Variants in PRKN observed in about 807,000 individuals in gnomAD.
PRKN encodes the protein parkin RBR E3 ubiquitin protein ligase, also known as E3 ubiquitin-protein ligase parkin.
PRKN carries 56 observed loss-of-function variants against 59.5 expected under a neutral mutation model. That is an observed-to-expected ratio of 0.94 (90% CI 0.76 to 1.18). The LOEUF is 1.18. Among genes scored for constraint, PRKN ranks in the 50% most tolerant of loss-of-function variants. The pLI is 0.00. For missense variants in PRKN, 657 were observed against 596.4 expected (o/e 1.10, Z -1.06); for synonymous variants, 250 against 222.1 (o/e 1.13, Z -1.12).
intron 4 of PRKN, among the ~76,000 whole-genome samples, chr6:162,135,617 T>C (rs1291141835): frequency 6.6e-6 from 1 of 152,180 alleles, no homozygotes; most frequent in East Asian, 1.9e-4. Context: ...TGAGGCCATC[T>C]GTCTCCTTGC....
chr6:161,465,387 C>T (rs906037645), intron 9 of PRKN, among the ~76,000 whole-genome samples: 2 of 152,094 alleles, frequency 1.3e-5, no homozygotes, highest in South Asian at 2.1e-4. Flanking sequence ...AACCTGCAGA[C>T]GTGATTTTAG....
chr6:162,476,226 T>TTTTA (rs922319533), intron 1 of PRKN, among the ~76,000 whole-genome samples: 3 of 151,910 alleles, frequency 2.0e-5, no homozygotes, highest in African/African-American at 7.3e-5. Flanking sequence ...CCCTACTTAT[T>TTTTA]TTTATTTATT....
At chr6:162,584,804 TCCC>T (rs1780951050) in intron 1 of PRKN, among the ~76,000 whole-genome samples, 2 of 4,182 alleles carry the variant, frequency 4.8e-4, no homozygotes, top group Non-Finnish European at 7.1e-4. Context: ...TCCCCTCCCC[TCCC>T]CTCCCCTCCC....
rs900295844 is a variant in PRKN at position 162,597,681 on chromosome 6, G to T, written c.7+129981C>A. 2.0e-5 allele frequency among the ~76,000 whole-genome samples: 3 copies of T among 152,074 alleles called. No homozygotes were observed. In the South Asian group the frequency reaches 6.2e-4, roughly 32 times the overall value. ...TTCTTACTCCCAACAGACATAGATT[G>T]AACTTTTATCATATACAATTTTACT... On this transcript the variant is annotated intron_variant, in intron 1 of 11. Transcript: ENST00000366898.
rs143388532 is a variant in PRKN, at chr6:161,538,796, A to T, written c.1083+10058T>A. ...TCCCAGGAGCTTGTAGAGAGATTTGATTGAATAACTGATCGACTTAGCCTT... is the reference window on the plus strand; with the variant it reads ...TCCCAGGAGCTTGTAGAGAGATTTGTTTGAATAACTGATCGACTTAGCCTT... On this transcript the variant is annotated intron_variant, in intron 9 of 11. Coordinates refer to ENST00000366898, the MANE Select transcript of PRKN (RefSeq NM_004562.3). The surrounding 1 kb of genome is among the most constrained non-coding windows in gnomAD (Gnocchi z 4.2). Among the ~76,000 whole-genome samples the T allele has an allele frequency of 5.9e-3, 894 of 152,316 alleles. 15 individuals are homozygous for T. The highest frequency in any genetic ancestry group is 0.02 in the African/African-American group (831 of 41,560).
intron 1 of PRKN, among the ~76,000 whole-genome samples, chr6:162,470,729 T>G (rs1791689271): frequency 6.6e-6 from 1 of 152,066 alleles, no homozygotes; most frequent in South Asian, 2.1e-4. Context: ...GCATTCACAC[T>G]TTAATTTTGT....
At chr6:161,844,473 G>A (rs187102487) in intron 6 of PRKN, among the ~76,000 whole-genome samples, 53 of 152,328 alleles carry the variant, frequency 3.5e-4, no homozygotes, top group African/African-American at 1.0e-3. Flanking sequence ...GGAGCTGGAC[G>A]GTTGGACTTT....
intron 4 of PRKN, among the ~76,000 whole-genome samples, chr6:162,108,564 T>C (rs774300083): frequency 6.6e-6 from 1 of 152,190 alleles, no homozygotes; most frequent in Non-Finnish European, 1.5e-5. Flanking sequence ...AATAGATAAT[T>C]AGACTGAATT....
chr6:162,477,828 C>T (rs761242477), intron 1 of PRKN, among the ~76,000 whole-genome samples: 2 of 152,160 alleles, frequency 1.3e-5, no homozygotes, highest in East Asian at 1.9e-4. Flanking sequence ...GGAAGCTAAC[C>T]TTGTGGAAGG....
chr6:162,107,009 G>T (rs556738246), intron 4 of PRKN, among the ~76,000 whole-genome samples: 63 of 152,292 alleles, frequency 4.1e-4, no homozygotes, highest in African/African-American at 1.5e-3. Flanking sequence ...GAGGAGCTCG[G>T]TGTCACTCAA....
chr6:161,804,391 T>C (rs1750025368), intron 6 of PRKN, among the ~76,000 whole-genome samples: 1 of 152,162 alleles, frequency 6.6e-6, no homozygotes, highest in African/African-American at 2.4e-5. Context: ...TTGGGGCAGC[T>C]CCACCAACGT....
chr6:162,065,184 C>T (rs1414939986), intron 4 of PRKN, among the ~76,000 whole-genome samples: 1 of 152,124 alleles, frequency 6.6e-6, no homozygotes, highest in Non-Finnish European at 1.5e-5. Context: ...TGGCACAGTC[C>T]GAGTCCAAAA....
rs530384926 is a variant in PRKN at position 162,066,989 on chromosome 6, C to T, written c.535-12815G>A. On this transcript the variant is annotated intron_variant, in intron 4 of 11. Coordinates refer to ENST00000366898, the MANE Select transcript of PRKN (RefSeq NM_004562.3). ...CTCCCAGCTTCCCTTGCCTGACTGG[C>T]CATGTAAGTGATGACCAACGGGATA... Among the ~76,000 whole-genome samples, 69 of 152,294 alleles carry T rather than the reference C, an allele frequency of 4.5e-4. 2 individuals are homozygous for T. The South Asian group carries it at 0.014, about 31-fold the overall frequency.
chr6:162,620,192 C>T (rs894760442), intron 1 of PRKN, among the ~76,000 whole-genome samples: 3 of 152,086 alleles, frequency 2.0e-5, no homozygotes, highest in African/African-American at 7.2e-5. Context: ...ATCTCCTCAA[C>T]AGGTTATCAT....
chr6:161,372,855 G>T lies in PRKN; in HGVS notation c.1168-12650C>A, dbSNP rs1432186149. Among the ~76,000 whole-genome samples, 1 of 148,012 alleles carries T rather than the reference G, an allele frequency of 6.8e-6. No homozygotes were observed. Among genetic ancestry groups the T allele is most frequent in the East Asian group, 2.0e-4 (1 of 5,084 alleles). ...TTTTTTTTTTTTTTTTTTGAGACAG[G>T]GTCTCACTCTGTTGCCCAGGCTGGA... On this transcript the variant is annotated intron_variant, in intron 10 of 11. Coordinates refer to ENST00000366898, the MANE Select transcript of PRKN (RefSeq NM_004562.3). The surrounding 1 kb of genome is among the most constrained non-coding windows in gnomAD (Gnocchi z 4.2).
chr6:161,577,452 T>C (rs1313501713), intron 7 of PRKN, among the ~76,000 whole-genome samples: 1 of 152,214 alleles, frequency 6.6e-6, no homozygotes, highest in Non-Finnish European at 1.5e-5. Context: ...CGTATAGACC[T>C]GAGTTTGTGA....
At chr6:162,616,912 C>T (rs1782445389) in intron 1 of PRKN, among the ~76,000 whole-genome samples, 1 of 152,004 alleles carries the variant, frequency 6.6e-6, no homozygotes, top group Non-Finnish European at 1.5e-5. Context: ...GTATTTATTC[C>T]ACAGGAATAA....
At chr6:162,184,106 C>G (rs1403881556) in intron 4 of PRKN, among the ~76,000 whole-genome samples, 1 of 152,102 alleles carries the variant, frequency 6.6e-6, no homozygotes, top group Admixed American at 6.6e-5. Context: ...TCATATGTGC[C>G]TAGTGGCTGA....
chr6:162,219,497 G>C (rs889118764), intron 3 of PRKN, among the ~76,000 whole-genome samples: 1 of 151,994 alleles, frequency 6.6e-6, no homozygotes, highest in Non-Finnish European at 1.5e-5. Flanking sequence ...TTCTGCCAGA[G>C]ATGATTTTTA....
Sources: allele counts gnomAD v4.1 joint callset (sites outside exome capture counted in the v4.1 genomes callset), GRCh38; gene constraint gnomAD v4.1.1; non-coding constraint Gnocchi (gnomAD v3.1); transcripts MANE v1.5; gene names NCBI Gene and HGNC (gene_info 2026-07-23, HGNC 2026-07-21).